Variants in SGCZ observed in about 807,000 individuals in gnomAD.
SGCZ encodes the protein sarcoglycan zeta, also known as zeta-sarcoglycan.
Under a neutral mutation model 41.3 loss-of-function variants are expected in SGCZ, and 40 were observed. The ratio of observed to expected loss-of-function variants is 0.97; its 90% CI spans 0.75 to 1.26. The LOEUF is 1.26. Among genes scored for constraint, SGCZ ranks in the 50% most tolerant of loss-of-function variants. SGCZ has a pLI of 0.00. For synonymous variants in SGCZ, 206 were observed against 137.5 expected (o/e 1.50, Z -3.49); for missense variants, 552 against 369.8 (o/e 1.49, Z -4.04).
chr8:15,036,346 G>A (rs531428684), intron 1 of SGCZ, among the ~76,000 whole-genome samples: 4 of 152,068 alleles, frequency 2.6e-5, no homozygotes, highest in African/African-American at 9.6e-5. Flanking sequence ...GTAATAAAAT[G>A]TCTCTCATTG....
chr8:14,643,601 A>G (rs6651373), intron 1 of SGCZ, among the ~76,000 whole-genome samples: 126,328 of 151,344 alleles, frequency 0.83, 52,887 homozygotes, highest in East Asian at 0.92. Flanking sequence ...TAATGACTCC[A>G]CCTCCAACCT....
At chr8:15,191,344 TAGA>T (rs1800531085) in intron 1 of SGCZ, among the ~76,000 whole-genome samples, 1 of 152,118 alleles carries the variant, frequency 6.6e-6, no homozygotes, top group African/African-American at 2.4e-5. Context: ...CAAGCATACC[TAGA>T]CCAGGCAGGT....
chr8:14,544,282 C>A (rs1375599806), intron 2 of SGCZ, among the ~76,000 whole-genome samples: 1 of 152,060 alleles, frequency 6.6e-6, no homozygotes, highest in Non-Finnish European at 1.5e-5. Flanking sequence ...CACCTCAGAA[C>A]CACTGTGATA....
intron 1 of SGCZ, among the ~76,000 whole-genome samples, chr8:15,039,202 A>G (rs759343590): frequency 5.3e-5 from 8 of 152,190 alleles, no homozygotes; most frequent in Non-Finnish European, 1.2e-4. Context: ...CATCATTCAC[A>G]ATAGCCAAGA....
At chr8:14,277,208 T>C (rs1448075682) in intron 3 of SGCZ, among the ~76,000 whole-genome samples, 1 of 152,210 alleles carries the variant, frequency 6.6e-6, no homozygotes, top group Non-Finnish European at 1.5e-5. Flanking sequence ...CATGTGCCAA[T>C]GTCCCCATTA....
At chr8:15,078,061 C>T (rs1047036746) in intron 1 of SGCZ, among the ~76,000 whole-genome samples, 22 of 148,394 alleles carry the variant, frequency 1.5e-4, no homozygotes, top group South Asian at 1.1e-3. Context: ...TCATGCCTTA[C>T]GTGGGAGGAG....
intron 1 of SGCZ, among the ~76,000 whole-genome samples, chr8:14,914,293 T>C (rs775112205): frequency 3.3e-4 from 50 of 152,052 alleles, no homozygotes; most frequent in Non-Finnish European, 1.5e-4. Context: ...TAAAATAAGA[T>C]ATCACCGTCA....
At chr8:14,388,465 T>G (rs937387932) in intron 2 of SGCZ, among the ~76,000 whole-genome samples, 3 of 152,076 alleles carry the variant, frequency 2.0e-5, no homozygotes, top group African/African-American at 7.2e-5. Context: ...TGGTGAGAGA[T>G]TATACCATCT....
At chr8:14,382,775 A>G (rs984991360) in intron 2 of SGCZ, among the ~76,000 whole-genome samples, 2 of 152,202 alleles carry the variant, frequency 1.3e-5, no homozygotes, top group Admixed American at 6.5e-5. Flanking sequence ...ATGTTTGCTT[A>G]TGGCTCTCTC....
At chr8:15,033,481 A>G (rs1803760445) in intron 1 of SGCZ, among the ~76,000 whole-genome samples, 2 of 152,042 alleles carry the variant, frequency 1.3e-5, no homozygotes, top group Admixed American at 6.6e-5. Context: ...CCTAGGGTCC[A>G]ATATCACCTT....
At chr8:14,850,045 A>T (rs943664866) in intron 1 of SGCZ, among the ~76,000 whole-genome samples, 5 of 152,172 alleles carry the variant, frequency 3.3e-5, no homozygotes, top group South Asian at 2.1e-4. Context: ...TGTTATACCC[A>T]TTCGCTCTCT....
At chr8:15,059,434 G>T (rs1267398533) in intron 1 of SGCZ, among the ~76,000 whole-genome samples, 1 of 152,072 alleles carries the variant, frequency 6.6e-6, no homozygotes, top group Non-Finnish European at 1.5e-5. Flanking sequence ...ACAATTACCA[G>T]ATTATTTACA....
At chr8:14,794,289 T>C (rs1801050622) in intron 1 of SGCZ, among the ~76,000 whole-genome samples, 1 of 151,936 alleles carries the variant, frequency 6.6e-6, no homozygotes, top group Non-Finnish European at 1.5e-5. Flanking sequence ...ATAGAGAAGA[T>C]TCAGGAAAAA....
intron 1 of SGCZ, among the ~76,000 whole-genome samples, chr8:14,665,664 G>A (rs1807887592): frequency 6.6e-6 from 1 of 152,034 alleles, no homozygotes; most frequent in African/African-American, 2.4e-5. Context: ...TTTGCTCAAA[G>A]CATCTTGGAG....
intron 2 of SGCZ, among the ~76,000 whole-genome samples, chr8:14,463,634 G>A (rs1173194646): frequency 1.3e-5 from 2 of 151,506 alleles, no homozygotes; most frequent in East Asian, 3.9e-4. Context: ...ACAAAACACA[G>A]ACAAACTGTA....
intron 2 of SGCZ, among the ~76,000 whole-genome samples, chr8:14,505,392 T>A (rs1041263332): frequency 2.6e-4 from 39 of 152,130 alleles, no homozygotes; most frequent in Admixed American, 1.6e-3. Flanking sequence ...GGCTCTGAAC[T>A]TCTCTGAAGT....
intron 1 of SGCZ, among the ~76,000 whole-genome samples, chr8:14,897,967 G>T (rs995139909): frequency 3.9e-5 from 6 of 152,122 alleles, no homozygotes; most frequent in African/African-American, 1.4e-4. Context: ...AATAAGGCTT[G>T]TATTTTAGTG....
intron 3 of SGCZ, among the ~76,000 whole-genome samples, chr8:14,292,394 G>A (rs1290672987): frequency 2.0e-5 from 3 of 151,950 alleles, no homozygotes; most frequent in Non-Finnish European, 4.4e-5. Flanking sequence ...ATATAATGAT[G>A]CCTCAGGTAA....
chr8:14,811,631 A>T (rs914844931), intron 1 of SGCZ, among the ~76,000 whole-genome samples: 1 of 145,000 alleles, frequency 6.9e-6, no homozygotes, highest in African/African-American at 2.5e-5. Context: ...AAATTTTCAC[A>T]TAAATTTCAT....
Sources: gnomAD v4.1 joint callset for allele counts (sites outside exome capture counted in the v4.1 genomes callset) on GRCh38, gnomAD v4.1.1 for gene constraint, MANE v1.5 for transcripts, NCBI Gene and HGNC (gene_info 2026-07-23, HGNC 2026-07-21) for gene names.